Variants in RAMP3 observed in about 807,000 individuals in gnomAD.
RAMP3 encodes receptor activity-modifying protein 3.
RAMP3 carries 14 observed loss-of-function variants against 13.5 expected under a neutral mutation model. That is an observed-to-expected ratio of 1.04 (90% CI 0.69 to 1.63). The LOEUF is 1.63. Ranked by LOEUF, RAMP3 falls within the 40% of genes most tolerant of loss-of-function variation. The probability of loss-of-function intolerance (pLI) is 0.00; values close to 1 mark genes in which losing one functional copy is unlikely to be tolerated. For missense variants in RAMP3, 200 were observed against 204.8 expected (o/e 0.98, Z 0.14); for synonymous variants, 106 against 88.3 (o/e 1.20, Z -1.12).
At chr7:45,173,831 C>T (rs1212388327) in intron 1 of RAMP3, among the ~76,000 whole-genome samples, 1 of 152,224 alleles carries the variant, frequency 6.6e-6, no homozygotes, top group East Asian at 1.9e-4. Context: ...GCTCACACTG[C>T]TTCAACTGCT....
intron 1 of RAMP3, among the ~76,000 whole-genome samples, chr7:45,168,613 T>C (rs1000769264): frequency 6.6e-6 from 1 of 152,068 alleles, no homozygotes; most frequent in Non-Finnish European, 1.5e-5. Context: ...TAATTTTGTA[T>C]CCTGCAACTT....
At chr7:45,171,554 G>T (rs1455714471) in intron 1 of RAMP3, among the ~76,000 whole-genome samples, 1 of 151,462 alleles carries the variant, frequency 6.6e-6, no homozygotes, top group African/African-American at 2.4e-5. Context: ...TGTCTTTTTT[G>T]ATTTTTTTTC....
At chr7:45,178,371 C>T (rs1389097760) in intron 2 of RAMP3, among the ~76,000 whole-genome samples, 1 of 152,210 alleles carries the variant, frequency 6.6e-6, no homozygotes, top group African/African-American at 2.4e-5. Context: ...AGTCTTGTGC[C>T]ACCCCCTGGT....
chr7:45,174,602 C>T (rs922001342), intron 1 of RAMP3, among the ~76,000 whole-genome samples: 1 of 152,138 alleles, frequency 6.6e-6, no homozygotes, highest in Admixed American at 6.5e-5. Context: ...CCTGATGCAG[C>T]CCTGGTCATG....
intron 1 of RAMP3, among the ~76,000 whole-genome samples, chr7:45,158,322 G>T (rs373627232): frequency 6.6e-6 from 1 of 152,160 alleles, no homozygotes; most frequent in African/African-American, 2.4e-5. Flanking sequence ...TCACAGGGGC[G>T]TGGGCGGGTG....
intron 2 of RAMP3, among the ~76,000 whole-genome samples, chr7:45,182,826 G>A (rs1786343851): frequency 6.6e-6 from 1 of 152,186 alleles, no homozygotes. Context: ...TGGCCCTGGA[G>A]AAGCATGGCT....
At chr7:45,178,126 G>T (rs557772169) in intron 2 of RAMP3, among the ~76,000 whole-genome samples, 18 of 152,158 alleles carry the variant, frequency 1.2e-4, no homozygotes, top group Non-Finnish European at 2.1e-4. Context: ...GGTGGACATT[G>T]TCATGTGTCT....
rs562451866 is a variant in RAMP3, at chr7:45,159,194, C to T, written c.58+1308C>T. Among the ~76,000 whole-genome samples, 531 of 152,362 alleles carry T rather than the reference C, an allele frequency of 3.5e-3. 4 individuals carry two copies. Among genetic ancestry groups the T allele is most frequent in the Middle Eastern group, 0.01 (3 of 294 alleles). On this transcript the variant is annotated intron_variant, in intron 1 of 2. Transcript: ENST00000242249. ...TGTTGTGTTGGTCCTGACTGTCCCCCTCCAATGGGACATGGGTTCACGCTC... is the reference window on the plus strand; with the variant it reads ...TGTTGTGTTGGTCCTGACTGTCCCCTTCCAATGGGACATGGGTTCACGCTC...
intron 1 of RAMP3, among the ~76,000 whole-genome samples, chr7:45,160,755 G>C (rs116428133): frequency 6.6e-6 from 1 of 152,196 alleles, no homozygotes; most frequent in Admixed American, 6.5e-5. Context: ...AACACAGGCC[G>C]GCATGTTCTT....
At chr7:45,180,182 A>G (rs976459031) in intron 2 of RAMP3, among the ~76,000 whole-genome samples, 4 of 152,240 alleles carry the variant, frequency 2.6e-5, no homozygotes, top group African/African-American at 9.6e-5. Flanking sequence ...GAGCGGAGCC[A>G]AGGCAGGAGA....
chr7:45,183,243 T>C lies in RAMP3; in HGVS notation c.278T>C (p.Ile93Thr), dbSNP rs1786355080. The change falls in exon 3 of 3, where the codon ATC becomes ACC. Residue 93 changes from isoleucine (I) to threonine (T), a missense_variant. Transcript: ENST00000242249. ...CCCAACCCCCTGGCCCAGGGCTTCA[T>C]CACCGGCATCCACAGGCAGTTCTTC... ...YWPNPLAQGF[I>T]TGIHRQFFSN... is the part of the protein sequence containing the mutation. The C allele has an allele frequency of 6.2e-7, 1 of 1,613,908 alleles. No homozygotes were observed. The highest frequency in any genetic ancestry group is 8.5e-7 in the Non-Finnish European group (1 of 1,180,024).
chr7:45,171,033 A>T (rs886128600), intron 1 of RAMP3, among the ~76,000 whole-genome samples: 1 of 151,720 alleles, frequency 6.6e-6, no homozygotes. Flanking sequence ...ATTTTTATTC[A>T]TCTCAAAACC....
In RAMP3 at chr7:45,157,879, G is replaced by T; in HGVS notation, c.51G>T (p.Leu17=). The stretch of plus-strand genomic sequence containing the variant: ...CGCAACTTCTCCCGTTGCTGCTGCT[G>T]CTCTGCGGTAAGGGGGCGACGGCCC... The part of the protein sequence containing the change: ...RRPQLLPLLL[L]LCGGCPRAGG... Residue 17 remains leucine (L), a synonymous_variant, in exon 1 of 3, where the codon CTG becomes CTT. Coordinates refer to ENST00000242249, the MANE Select transcript of RAMP3 (RefSeq NM_005856.3). 1 of 1,397,558 alleles carries T rather than the reference G, an allele frequency of 7.2e-7. No individual in the cohort carries two copies. The highest frequency in any genetic ancestry group is 1.7e-5 in the South Asian group (1 of 60,516). The allele number at this position is 1,397,558 out of a possible 1,614,324, so 86.6% of individuals were successfully genotyped here.
At chr7:45,167,632 C>T (rs1225422364) in intron 1 of RAMP3, among the ~76,000 whole-genome samples, 1 of 151,154 alleles carries the variant, frequency 6.6e-6, no homozygotes, top group East Asian at 2.0e-4. Context: ...GGCGCGATCT[C>T]GGCTCACCGC....
At chr7:45,157,912 G>A in intron 1 of RAMP3, 26 bp downstream of exon 1, 2 of 1,346,572 alleles carry the variant, frequency 1.5e-6, no homozygotes, top group Non-Finnish European at 1.9e-6. Context: ...CCCGCACCGG[G>A]GGCGCCCCCA....
At chr7:45,161,596 A>T (rs10277744) in intron 1 of RAMP3, among the ~76,000 whole-genome samples, 2 of 150,602 alleles carry the variant, frequency 1.3e-5, no homozygotes, top group African/African-American at 4.9e-5. Flanking sequence ...ACTTCCAAGA[A>T]GAGGAGGAAG....
intron 2 of RAMP3, among the ~76,000 whole-genome samples, chr7:45,179,349 C>T (rs1476315092): frequency 1.6e-5 from 2 of 128,742 alleles, no homozygotes; most frequent in Admixed American, 8.6e-5. Flanking sequence ...TCTCAGTCCC[C>T]ACTCCCAGTC....
intron 2 of RAMP3, among the ~76,000 whole-genome samples, chr7:45,182,583 T>A (rs1786338216): frequency 6.6e-6 from 1 of 152,170 alleles, no homozygotes; most frequent in Non-Finnish European, 1.5e-5. Context: ...GGGCTCCACA[T>A]GTCCTGCTAG....
intron 1 of RAMP3, among the ~76,000 whole-genome samples, chr7:45,161,590 C>T (rs142743865): frequency 1.9e-3 from 285 of 150,212 alleles, no homozygotes; most frequent in Admixed American, 3.5e-3. Context: ...ATTCTGACTT[C>T]CAAGAAGAGG....
Sources: allele counts gnomAD v4.1 joint callset (sites outside exome capture counted in the v4.1 genomes callset), GRCh38; gene constraint gnomAD v4.1.1; transcripts MANE v1.5; gene names NCBI Gene and HGNC (gene_info 2026-07-23, HGNC 2026-07-21).